The following NPTX2 variants were observed in gnomAD, a reference collection of about 807,000 sequenced individuals.
The protein encoded by NPTX2 is neuronal pentraxin 2, also known as neuronal pentraxin-2.
In NPTX2, 23 loss-of-function variants were observed where a neutral mutation model predicts 38.1. The observed-to-expected ratio is 0.60, with a 90% confidence interval of 0.43 to 0.85. The LOEUF (loss-of-function observed/expected upper bound fraction) is 0.85. NPTX2 is among the 40% of genes least tolerant of loss of function. The pLI, the probability that NPTX2 is intolerant of heterozygous loss-of-function variation, is 0.00. For missense variants in NPTX2, 553 were observed against 615.3 expected (o/e 0.90, Z 1.07); for synonymous variants, 291 against 287.3 (o/e 1.01, Z -0.13).
intron 4 of NPTX2, 24 bp downstream of exon 4, chr7:98,627,368 G>A: frequency 5.0e-6 from 8 of 1,606,970 alleles, no homozygotes; most frequent in Non-Finnish European, 6.8e-6. Context: ...AGGTGCAGGT[G>A]GGCACAGGGT....
intron 4 of NPTX2, 51 bp downstream of exon 4, chr7:98,627,395 C>A: frequency 6.5e-7 from 1 of 1,529,062 alleles, no homozygotes; most frequent in Non-Finnish European, 9.0e-7. Context: ...AGGATGGGCA[C>A]AGGGTGGCCG....
At chr7:98,617,924 G>A in intron 1 of NPTX2, 37 bp downstream of exon 1, 4 of 1,532,086 alleles carry the variant, frequency 2.6e-6, no homozygotes, top group Non-Finnish European at 3.5e-6. Context: ...ACCTGGAATG[G>A]GGACGCTCCC....
rs1173940804 is a variant in NPTX2, at chr7:98,619,776, T to C, written c.560T>C (p.Leu187Pro). 1 of 1,613,770 alleles carries C rather than the reference T, an allele frequency of 6.2e-7. No individual in the cohort carries two copies. The highest frequency in any genetic ancestry group is 2.2e-5 in the East Asian group (1 of 44,872). Residue 187 changes from leucine to proline, a missense_variant, in exon 2 of 5, where the codon CTG becomes CCG. Leu to Pro is a moderately conservative substitution (Grantham distance 98, BLOSUM62 -3). Coordinates refer to ENST00000265634, the MANE Select transcript of NPTX2 (RefSeq NM_002523.3). ...VAELEDEKSLLHNETSAHRQK... is the reference protein window; with the variant it reads ...VAELEDEKSLPHNETSAHRQK... ...GAGCTGGAGGACGAGAAGTCCCTGC[T>C]GCACAATGAGACCTCGGCTCACCGG...
Position 98,617,330 on chromosome 7 carries a change from A to C in NPTX2, c.-132A>C. On this transcript the variant is annotated 5_prime_UTR_variant, in exon 1 of 5. Transcript: ENST00000265634. ...GGGTGCGGCTGTGAGACGGCAGGAG[A>C]CTTCTGCCCCGCGGTGCACGCGACC... The C allele has an allele frequency of 3.4e-6, 1 of 290,020 alleles. No homozygotes were observed. Among genetic ancestry groups the C allele is most frequent in the Non-Finnish European group, 6.3e-6 (1 of 158,634 alleles). 18.0% of individuals were successfully genotyped at this position (290,020 alleles called of 1,614,324 possible).
intron 2 of NPTX2, chr7:98,620,137 C>T (rs1461551477): frequency 8.3e-6 from 4 of 480,658 alleles, no homozygotes; most frequent in Admixed American, 3.3e-5. Flanking sequence ...GTCCTGGCAG[C>T]GGATTCTGTG....
intron 1 of NPTX2, among the ~76,000 whole-genome samples, chr7:98,618,593 C>A (rs1791219709): frequency 2.7e-5 from 1 of 37,336 alleles, no homozygotes. Context: ...CCTCCCCCTC[C>A]GTCCCCCCCC....
intron 1 of NPTX2, among the ~76,000 whole-genome samples, chr7:98,618,590 CT>C (rs1791219519): frequency 3.6e-5 from 2 of 56,016 alleles, no homozygotes; most frequent in Non-Finnish European, 3.4e-5. Flanking sequence ...CCCCCTCCCC[CT>C]CCGTCCCCCC....
intron 3 of NPTX2, among the ~76,000 whole-genome samples, chr7:98,626,553 G>A (rs527659854): frequency 1.4e-4 from 22 of 152,308 alleles, no homozygotes; most frequent in Admixed American, 7.2e-4. Context: ...TGTAAACATC[G>A]AATTCCTGGG....
Position 98,617,797 on chromosome 7 carries a change from T to C in NPTX2, c.336T>C (p.Thr112=), listed in dbSNP as rs1323815963. 2 of 1,527,216 alleles carry C rather than the reference T, an allele frequency of 1.3e-6. No individual in the cohort carries two copies. The highest frequency in any genetic ancestry group is 2.5e-5 in the East Asian group (1 of 39,864). 94.6% of individuals were successfully genotyped at this position (1,527,216 alleles called of 1,614,324 possible). A position where few individuals can be genotyped will look rare whatever the true frequency, so the allele number is the denominator to read the frequency against. The change falls in exon 1 of 5, where the codon ACT becomes ACC. Residue 112 remains threonine, a synonymous_variant. Transcript: ENST00000265634. ...ARGAGATGKD[T]MGDLPRDPGH... is the part of the protein sequence containing the mutation. ...GCGCGGGGGCCACGGGCAAGGACACTATGGGCGACCTGCCGCGGGACCCCG... is the reference window on the plus strand; with the variant it reads ...GCGCGGGGGCCACGGGCAAGGACACCATGGGCGACCTGCCGCGGGACCCCG...
rs554874305 is a variant in NPTX2, at chr7:98,627,964, G to C, written c.1069-438G>C. 7.2e-5 allele frequency among the ~76,000 whole-genome samples: 11 copies of C among 152,316 alleles called. No individual in the cohort carries two copies. In the South Asian group the frequency reaches 2.3e-3, roughly 32 times the overall value. On this transcript the variant is annotated intron_variant, in intron 4 of 4. Coordinates refer to ENST00000265634, the MANE Select transcript of NPTX2 (RefSeq NM_002523.3). ...AGGGGAGGGAATGGCTAAGTTGGCT[G>C]TCTGGTCTAGGACAGATAAGTGTTG...
intron 3 of NPTX2, among the ~76,000 whole-genome samples, chr7:98,626,784 G>A (rs181112184): frequency 1.3e-5 from 2 of 151,588 alleles, no homozygotes; most frequent in East Asian, 1.9e-4. Context: ...AGATCCCTGC[G>A]TGCCATCATG....
intron 3 of NPTX2, among the ~76,000 whole-genome samples, chr7:98,626,393 T>C (rs1261974755): frequency 6.6e-6 from 1 of 151,768 alleles, no homozygotes; most frequent in African/African-American, 2.4e-5. Context: ...GTGGAGTCTG[T>C]CGAGGTTTAA....
Position 98,627,212 on chromosome 7 carries a change from C to A in NPTX2, c.936C>A (p.Ile312=), listed in dbSNP as rs953094270. 8.7e-6 allele frequency: 14 copies of A among 1,613,412 alleles called. No individual in the cohort carries two copies. The highest frequency in any genetic ancestry group is 1.2e-5 in the Non-Finnish European group (14 of 1,179,502). ...TCAGTGACGGCAAGTGGCACCACAT[C>A]TGTGTCACCTGGACGACACGGGATG... ...LFVSDGKWHH[I]CVTWTTRDGM... Residue 312 remains isoleucine (I), a synonymous_variant, in exon 4 of 5, where the codon ATC becomes ATA. Coordinates refer to ENST00000265634, the MANE Select transcript of NPTX2 (RefSeq NM_002523.3).
At chr7:98,627,036 G>A (rs1417180350) in intron 3 of NPTX2, 129 bp from the exon 4 acceptor site, 15 of 586,852 alleles carry the variant, frequency 2.6e-5, no homozygotes, top group African/African-American at 2.0e-4. Flanking sequence ...TGTTCTCCAC[G>A]CATGACCCCG....
chr7:98,619,966 G>A, intron 2 of NPTX2, 107 bp downstream of exon 2: 1 of 986,934 alleles, frequency 1.0e-6, no homozygotes, highest in Non-Finnish European at 1.5e-6. Context: ...ACACCACATG[G>A]GCCTGGTTCC....
In NPTX2 at chr7:98,625,119, C is replaced by T. The variant is rs1287904141; in HGVS notation, c.841C>T (p.Leu281=). ...GCCAGGGCAGGCCAACGAGATCGTG[C>T]TGATCGAGTGGGGCAACAACCCCAT... ...AVPGQANEIV[L]IEWGNNPIEL... is the part of the protein sequence containing the mutation. The change falls in exon 3 of 5, where the codon CTG becomes TTG. Residue 281 remains leucine, a synonymous_variant. Transcript: ENST00000265634. 1.2e-6 allele frequency: 2 copies of T among 1,609,434 alleles called. No homozygotes were observed. The highest frequency in any genetic ancestry group is 1.7e-6 in the Non-Finnish European group (2 of 1,177,588).
At chr7:98,621,633 A>C (rs1466038203) in intron 2 of NPTX2, among the ~76,000 whole-genome samples, 2 of 152,218 alleles carry the variant, frequency 1.3e-5, no homozygotes, top group Non-Finnish European at 2.9e-5. Flanking sequence ...CTGAACCCAG[A>C]GTAGCTAGAC....
intron 2 of NPTX2, among the ~76,000 whole-genome samples, chr7:98,622,731 C>T (rs1052074716): frequency 9.2e-5 from 14 of 152,222 alleles, no homozygotes; most frequent in African/African-American, 2.9e-4. Context: ...TTGACTTCTT[C>T]GGGGAGCAGG....
intron 2 of NPTX2, 125 bp downstream of exon 2, chr7:98,619,984 G>A (rs1211968393): frequency 3.7e-6 from 3 of 817,044 alleles, no homozygotes; most frequent in East Asian, 2.7e-5. Flanking sequence ...TCCCGAGTGT[G>A]TGAGCAAATA....
Sources: allele counts gnomAD v4.1 joint callset (sites outside exome capture counted in the v4.1 genomes callset), GRCh38; gene constraint gnomAD v4.1.1; transcripts MANE v1.5; gene names NCBI Gene and HGNC (gene_info 2026-07-23, HGNC 2026-07-21).